The following ZBTB43 variants were observed in gnomAD, a reference collection of about 807,000 sequenced individuals.
The protein encoded by ZBTB43 is zinc finger and BTB domain containing 43.
Under a neutral mutation model 31.1 loss-of-function variants are expected in ZBTB43, and 6 were observed. The ratio of observed to expected loss-of-function variants is 0.19; its 90% CI spans 0.11 to 0.38. The LOEUF is 0.38. Ranked by LOEUF, ZBTB43 falls within the 10% of genes least tolerant of loss-of-function variation. ZBTB43 has a pLI of 1.00. For synonymous variants in ZBTB43, 212 were observed against 221.7 expected (o/e 0.96, Z 0.39); for missense variants, 379 against 602.1 (o/e 0.63, Z 3.88).
intron 2 of ZBTB43, among the ~76,000 whole-genome samples, chr9:126,818,296 AAT>A (rs140919672): frequency 0.014 from 2,061 of 146,820 alleles, 46 homozygotes; most frequent in African/African-American, 0.048. Flanking sequence ...CTAATTAAAA[AAT>A]ATATATATAT....
At chr9:126,819,367 A>G (rs2032462211) in intron 2 of ZBTB43, among the ~76,000 whole-genome samples, 1 of 145,046 alleles carries the variant, frequency 6.9e-6, no homozygotes, top group South Asian at 2.1e-4. Context: ...CCTGTTGCAC[A>G]TGTTTACTTT....
chr9:126,825,841 T>TA lies in ZBTB43; in HGVS notation c.-23-6645dup, dbSNP rs1192784734. Among the ~76,000 whole-genome samples, 1,089 of 119,002 alleles carry TA rather than the reference T, an allele frequency of 9.2e-3. 12 individuals are homozygous for TA. Among genetic ancestry groups the TA allele is most frequent in the African/African-American group, 0.034 (1,046 of 31,070 alleles). The allele number at this position is 119,002 out of a possible 152,430, so 78.1% of individuals were successfully genotyped here. A position where few individuals can be genotyped will look rare whatever the true frequency, so the allele number is the denominator to read the frequency against. ...GCTTTTTCCATTTGGTTCCTTTTTA[T>TA]ATTTTTTTTTTTTTTTTTTTTTGAG... is the stretch of plus-strand genomic sequence containing the variant. On this transcript the variant is annotated intron_variant, in intron 2 of 2. Coordinates refer to ENST00000373464, the MANE Select transcript of ZBTB43 (RefSeq NM_014007.4).
At chr9:126,819,562 C>A (rs1452997985) in intron 2 of ZBTB43, among the ~76,000 whole-genome samples, 2 of 152,064 alleles carry the variant, frequency 1.3e-5, no homozygotes, top group African/African-American at 4.8e-5. Flanking sequence ...TCTGACTACT[C>A]CACTGACCCA....
chr9:126,830,278 T>C, intron 2 of ZBTB43, among the ~76,000 whole-genome samples: 1 of 152,280 alleles, frequency 6.6e-6, no homozygotes, highest in East Asian at 1.9e-4. Flanking sequence ...ATTTCTTCTC[T>C]TGTCATCTCT....
In ZBTB43 at chr9:126,828,642, A is replaced by T. The variant is rs1453363151; in HGVS notation, c.-23-3845A>T. On this transcript the variant is annotated intron_variant, in intron 2 of 2. Transcript: ENST00000373464. ...ACCCCCATCTCTAAATAATAATAAT[A>T]ATAATAATAATAATTATTATTATTA... Among the ~76,000 whole-genome samples, 550 of 126,548 alleles carry T rather than the reference A, an allele frequency of 4.3e-3. 5 individuals carry two copies. The highest frequency in any genetic ancestry group is 0.021 in the African/African-American group (507 of 24,382). The allele number at this position is 126,548 out of a possible 152,430, so 83.0% of individuals were successfully genotyped here.
At chr9:126,832,466 T>C in intron 2 of ZBTB43, 21 bp from the exon 3 acceptor site, 3 of 1,556,494 alleles carry the variant, frequency 1.9e-6, no homozygotes, top group Non-Finnish European at 2.6e-6. Context: ...GAATTTGTAC[T>C]AATTTTTCTT....
chr9:126,830,323 T>A (rs565963602), intron 2 of ZBTB43, among the ~76,000 whole-genome samples: 3 of 152,358 alleles, frequency 2.0e-5, no homozygotes, highest in African/African-American at 7.2e-5. Flanking sequence ...AGTCTTTGTC[T>A]GGGTTGTCTG....
In ZBTB43 at chr9:126,818,840, T is replaced by C. The variant is rs537549587; in HGVS notation, c.-24+9925T>C. 5.3e-5 allele frequency among the ~76,000 whole-genome samples: 8 copies of C among 152,326 alleles called. No homozygotes were observed. The Middle Eastern group carries it at 0.01, about 194-fold the overall frequency. The stretch of plus-strand genomic sequence containing the variant: ...ATAGTTTTTGTATAGTGTTTTTGTC[T>C]GGCTTTCATATCAGAGGGCACTCCT... On this transcript the variant is annotated intron_variant, in intron 2 of 2. Coordinates refer to ENST00000373464, the MANE Select transcript of ZBTB43 (RefSeq NM_014007.4).
At chr9:126,813,747 T>G (rs2032300626) in intron 2 of ZBTB43, among the ~76,000 whole-genome samples, 1 of 152,172 alleles carries the variant, frequency 6.6e-6, no homozygotes, top group Non-Finnish European at 1.5e-5. Context: ...ATAAGTGAGA[T>G]TGGCTTGTAG....
At position 126,835,192 on chromosome 9, in the gene ZBTB43, T is replaced by C. The variant is rs575944588; in HGVS notation, c.*1279T>C. ...CATTATAGATAAAGCTGCTTAAACT[T>C]AAAAGTCCACAAAGCTACGCCGACC... is the stretch of plus-strand genomic sequence containing the variant. On this transcript the variant is annotated 3_prime_UTR_variant, in exon 3 of 3. Coordinates refer to ENST00000373464, the MANE Select transcript of ZBTB43 (RefSeq NM_014007.4). 1.2e-5 allele frequency: 2 copies of C among 166,388 alleles called. No homozygotes were observed. The highest frequency in any genetic ancestry group is 4.2e-4 in the South Asian group (2 of 4,800). 10.3% of individuals were successfully genotyped at this position (166,388 alleles called of 1,614,324 possible). A position where few individuals can be genotyped will look rare whatever the true frequency, so the allele number is the denominator to read the frequency against.
At chr9:126,808,566 A>G (rs900619879) in intron 1 of ZBTB43, among the ~76,000 whole-genome samples, 9 of 152,344 alleles carry the variant, frequency 5.9e-5, no homozygotes, top group African/African-American at 1.7e-4. Context: ...GTTATGCACT[A>G]TCTTTTCAGT....
chr9:126,815,769 G>A (rs2032373327), intron 2 of ZBTB43, among the ~76,000 whole-genome samples: 1 of 149,766 alleles, frequency 6.7e-6, no homozygotes, highest in African/African-American at 2.5e-5. Flanking sequence ...TAAATCTTCT[G>A]TCATTTCTGG....
At chr9:126,820,730 G>A (rs1428897086) in intron 2 of ZBTB43, among the ~76,000 whole-genome samples, 2 of 152,052 alleles carry the variant, frequency 1.3e-5, no homozygotes, top group Non-Finnish European at 2.9e-5. Context: ...CACTTCGGGA[G>A]GCCAAGGCAG....
At chr9:126,827,771 A>T (rs2032674836) in intron 2 of ZBTB43, among the ~76,000 whole-genome samples, 1 of 152,058 alleles carries the variant, frequency 6.6e-6, no homozygotes, top group African/African-American at 2.4e-5. Context: ...ACTTTGGGAG[A>T]CTGAGGCGGG....
chr9:126,820,967 CA>C (rs36023653), intron 2 of ZBTB43, among the ~76,000 whole-genome samples: 2,011 of 83,468 alleles, frequency 0.024, 47 homozygotes, highest in African/African-American at 0.1. Flanking sequence ...ACCCCCATCT[CA>C]AAAAAAAAAA....
Position 126,834,164 on chromosome 9 carries a change from C to G in ZBTB43, c.*251C>G. On this transcript the variant is annotated 3_prime_UTR_variant, in exon 3 of 3. Transcript: ENST00000373464. ...CCACCGCCCAGCTGGCAAGGGAAAC[C>G]TTCTGACTGGTTGTGATCGAAACAG... 2.6e-6 allele frequency: 1 copy of G among 379,148 alleles called. No homozygotes were observed. The highest frequency in any genetic ancestry group is 5.0e-6 in the Non-Finnish European group (1 of 201,634). 23.5% of individuals were successfully genotyped at this position (379,148 alleles called of 1,614,324 possible). A position where few individuals can be genotyped will look rare whatever the true frequency, so the allele number is the denominator to read the frequency against.
At chr9:126,817,100 C>CT (rs780632905) in intron 2 of ZBTB43, among the ~76,000 whole-genome samples, 1,259 of 55,336 alleles carry the variant, frequency 0.023, 203 homozygotes, top group African/African-American at 0.032. Flanking sequence ...TCCACTGTAT[C>CT]TTTTTTTTTT....
intron 2 of ZBTB43, among the ~76,000 whole-genome samples, chr9:126,826,876 A>T (rs1476499818): frequency 6.6e-6 from 1 of 152,220 alleles, no homozygotes; most frequent in African/African-American, 2.4e-5. Context: ...CAGTGGATTT[A>T]ACCTCTGTGA....
At chr9:126,821,887 A>G (rs1310529516) in intron 2 of ZBTB43, among the ~76,000 whole-genome samples, 7 of 152,030 alleles carry the variant, frequency 4.6e-5, no homozygotes, top group African/African-American at 1.5e-4. Context: ...TTTTTGAGAC[A>G]GAGTTTCTCT....
Sources: gnomAD v4.1 joint callset for allele counts (sites outside exome capture counted in the v4.1 genomes callset) on GRCh38, gnomAD v4.1.1 for gene constraint, MANE v1.5 for transcripts, NCBI Gene and HGNC (gene_info 2026-07-23, HGNC 2026-07-21) for gene names.